MCF2L: variants seen among roughly 807,000 people sequenced by gnomAD.
MCF2L encodes the protein guanine nucleotide exchange factor DBS.
In MCF2L, 97 loss-of-function variants were observed where a neutral mutation model predicts 153.4. The ratio of observed to expected loss-of-function variants is 0.63; its 90% confidence interval spans 0.54 to 0.75. MCF2L has a LOEUF of 0.75. MCF2L is among the 30% of genes least tolerant of loss of function. The pLI, the probability that MCF2L is intolerant of heterozygous loss-of-function variation, is 0.00. For missense variants in MCF2L, 1,347 were observed against 1,495.2 expected (o/e 0.90, Z 1.64); for synonymous variants, 659 against 632.2 (o/e 1.04, Z -0.64).
At chr13:112,996,209 C>T (rs575446305) in intron 1 of MCF2L, among the ~76,000 whole-genome samples, 4 of 152,258 alleles carry the variant, frequency 2.6e-5, no homozygotes, top group African/African-American at 9.6e-5. Flanking sequence ...GCACCTGTAA[C>T]CCCAGGAGAC....
At chr13:112,952,294 T>C (rs1211210295) in intron 2 of MCF2L, among the ~76,000 whole-genome samples, 1 of 152,158 alleles carries the variant, frequency 6.6e-6, no homozygotes, top group East Asian at 1.9e-4. Context: ...CCTCCTCTGG[T>C]TCAGGCTCAG....
intron 2 of MCF2L, among the ~76,000 whole-genome samples, chr13:113,017,288 C>T (rs989447172): frequency 2.0e-5 from 3 of 152,210 alleles, no homozygotes; most frequent in Non-Finnish European, 2.9e-5. Context: ...TCTCAGGTTC[C>T]GTGGGGCTGT....
At chr13:113,073,424 A>T (rs984869752) in intron 9 of MCF2L, among the ~76,000 whole-genome samples, 9 of 152,130 alleles carry the variant, frequency 5.9e-5, no homozygotes, top group Admixed American at 2.0e-4. Context: ...CATGGAGAGA[A>T]GTCTCACTCA....
At chr13:112,921,184 A>G (rs2081349514) in intron 2 of MCF2L, among the ~76,000 whole-genome samples, 1 of 152,140 alleles carries the variant, frequency 6.6e-6, no homozygotes, top group Non-Finnish European at 1.5e-5. Context: ...CTCAAAAACA[A>G]AAAACAAAAC....
chr13:113,076,459 T>G (rs1474838456), intron 12 of MCF2L, among the ~76,000 whole-genome samples: 1 of 152,040 alleles, frequency 6.6e-6, no homozygotes, highest in East Asian at 1.9e-4. Context: ...GAGACAGGTT[T>G]TCACCATGTT....
In MCF2L at chr13:112,923,424, T is replaced by C. The variant is rs1191982788; in HGVS notation, c.169+21053T>C. On this transcript the variant is annotated intron_variant, in intron 2 of 29. Transcript: ENST00000375608. ...GACTACAGGCGCCCGCCACCACGCC[T>C]GGCTAATTTTTTTGTATTTTTAATA... Among the ~76,000 whole-genome samples, 3 of 151,756 alleles carry C rather than the reference T, an allele frequency of 2.0e-5. No individual in the cohort carries two copies. In the East Asian group the frequency reaches 5.8e-4, roughly 29 times the overall value.
intron 2 of MCF2L, among the ~76,000 whole-genome samples, chr13:112,914,307 C>G (rs2081267407): frequency 6.6e-6 from 1 of 152,192 alleles, no homozygotes; most frequent in Non-Finnish European, 1.5e-5. Context: ...AGCGTCTGCA[C>G]GCTTCTCCCC....
At chr13:113,001,088 C>T (rs896095442) in intron 1 of MCF2L, among the ~76,000 whole-genome samples, 4 of 152,202 alleles carry the variant, frequency 2.6e-5, no homozygotes, top group Admixed American at 6.5e-5. Context: ...TGAACGAGCT[C>T]TCTGTGGGAC....
chr13:113,077,584 C>T (rs1257215370), intron 13 of MCF2L, among the ~76,000 whole-genome samples: 5 of 152,188 alleles, frequency 3.3e-5, no homozygotes, highest in Non-Finnish European at 5.9e-5. Flanking sequence ...TCCAGCCTCT[C>T]CACGGTCTGT....
intron 2 of MCF2L, among the ~76,000 whole-genome samples, chr13:112,946,892 A>AG (rs1313356945): frequency 1.3e-5 from 2 of 152,084 alleles, no homozygotes; most frequent in African/African-American, 2.4e-5. Flanking sequence ...GACAACTCTG[A>AG]GGGGGGGAGG....
At chr13:113,080,345 T>C (rs1305619881) in intron 15 of MCF2L, among the ~76,000 whole-genome samples, 3 of 152,022 alleles carry the variant, frequency 2.0e-5, no homozygotes, top group East Asian at 3.9e-4. Context: ...GAGCAGCAAG[T>C]GCTCGGCCCT....
intron 1 of MCF2L, among the ~76,000 whole-genome samples, chr13:112,979,910 G>A (rs2082345112): frequency 6.6e-6 from 1 of 152,216 alleles, no homozygotes; most frequent in Non-Finnish European, 1.5e-5. Context: ...AAAAGGTAGA[G>A]ATAACTGCTG....
chr13:112,915,098 C>G (rs2081276892), intron 2 of MCF2L, among the ~76,000 whole-genome samples: 1 of 151,918 alleles, frequency 6.6e-6, no homozygotes, highest in African/African-American at 2.4e-5. Flanking sequence ...ACCTGGGGAT[C>G]CTAACATCGT....
chr13:113,023,174 G>A (rs536403973), intron 2 of MCF2L, among the ~76,000 whole-genome samples: 1 of 152,354 alleles, frequency 6.6e-6, no homozygotes, highest in East Asian at 1.9e-4. Flanking sequence ...TAAGAGACTC[G>A]GCAGCCAGGA....
At chr13:112,916,102 G>A (rs2081289102) in intron 2 of MCF2L, among the ~76,000 whole-genome samples, 1 of 152,040 alleles carries the variant, frequency 6.6e-6, no homozygotes, top group South Asian at 2.1e-4. Context: ...CAGCTACTCA[G>A]GAGGCTGAGG....
chr13:113,081,074 C>A, intron 15 of MCF2L, 139 bp from the exon 16 acceptor site: 1 of 659,206 alleles, frequency 1.5e-6, no homozygotes, highest in Non-Finnish European at 2.5e-6. Flanking sequence ...GAGCGTCCAG[C>A]CTGTGGGCTT....
intron 2 of MCF2L, among the ~76,000 whole-genome samples, chr13:112,952,585 T>C (rs1262971084): frequency 2.6e-5 from 4 of 152,218 alleles, no homozygotes; most frequent in African/African-American, 9.7e-5. Flanking sequence ...CCTTATCTTT[T>C]CAATAGTTTG....
At chr13:113,018,255 G>T (rs1458768071) in intron 2 of MCF2L, among the ~76,000 whole-genome samples, 1 of 152,302 alleles carries the variant, frequency 6.6e-6, no homozygotes, top group East Asian at 1.9e-4. Context: ...TCTGTCATCC[G>T]CAGACAGCAG....
At position 113,025,304 on chromosome 13, in the gene MCF2L, C is replaced by A. The variant is rs531544484; in HGVS notation, c.278+546C>A. 1.1e-4 allele frequency among the ~76,000 whole-genome samples: 10 copies of A among 92,158 alleles called. 3 individuals are homozygous for A. Among genetic ancestry groups the A allele is most frequent in the Middle Eastern group, 0.01 (2 of 196 alleles). The allele number at this position is 92,158 out of a possible 152,430, so 60.5% of individuals were successfully genotyped here. A position where few individuals can be genotyped will look rare whatever the true frequency, so the allele number is the denominator to read the frequency against. On this transcript the variant is annotated intron_variant, in intron 3 of 29. Coordinates refer to ENST00000535094, the MANE Select transcript of MCF2L (RefSeq NM_001112732.3). ...TCAGGGCAGAGTCTCCGTGAGGTTT[C>A]ATCATGGTGGGGTCCCCGTGACTGT... is the stretch of plus-strand genomic sequence containing the variant.
Sources: gnomAD v4.1 joint callset for allele counts (sites outside exome capture counted in the v4.1 genomes callset) on GRCh38, gnomAD v4.1.1 for gene constraint, MANE v1.5 for transcripts, NCBI Gene and HGNC (gene_info 2026-07-23, HGNC 2026-07-21) for gene names.